Variants in CCDC178 observed in about 807,000 individuals in gnomAD.
CCDC178 encodes the protein coiled-coil domain-containing protein 178.
A neutral mutation model predicts 117.4 loss-of-function variants in CCDC178; 126 were observed. The ratio of observed to expected loss-of-function variants is 1.07; its 90% CI spans 0.93 to 1.24. The LOEUF (loss-of-function observed/expected upper bound fraction) is 1.24, where lower values mean the gene tolerates loss of function less well. CCDC178 is among the 50% of genes most tolerant of loss of function. The pLI is 0.00. For synonymous variants in CCDC178, 283 were observed against 313.4 expected, an observed-to-expected ratio of 0.90 and a Z score of 1.02; for missense variants, 1,030 against 986.9, an observed-to-expected ratio of 1.04 and a Z score of -0.59.
At chr18:33,396,824 G>A (rs562039404) in intron 4 of CCDC178, among the ~76,000 whole-genome samples, 9 of 152,186 alleles carry the variant, frequency 5.9e-5, no homozygotes, top group East Asian at 1.9e-4. Context: ...TGCCGGGAAC[G>A]TCTATGTGTG....
At chr18:33,106,757 C>T (rs538792853) in intron 20 of CCDC178, among the ~76,000 whole-genome samples, 2 of 151,716 alleles carry the variant, frequency 1.3e-5, no homozygotes, top group Non-Finnish European at 3.0e-5. Flanking sequence ...TAACTAATCT[C>T]GAGTTCTTAA....
chr18:33,252,949 A>C (rs963861515), intron 14 of CCDC178, among the ~76,000 whole-genome samples: 2 of 151,846 alleles, frequency 1.3e-5, no homozygotes, highest in Non-Finnish European at 2.9e-5. Context: ...AATTTCAAGC[A>C]AACTAAATCT....
At chr18:33,159,175 A>C (rs2058435572) in intron 20 of CCDC178, among the ~76,000 whole-genome samples, 1 of 152,250 alleles carries the variant, frequency 6.6e-6, no homozygotes, top group African/African-American at 2.4e-5. Context: ...AATTAACGGC[A>C]AAAGTGTAAA....
chr18:33,304,334 T>C (rs1599132830), intron 11 of CCDC178, among the ~76,000 whole-genome samples: 1 of 152,138 alleles, frequency 6.6e-6, no homozygotes, highest in Non-Finnish European at 1.5e-5. Context: ...CAAAGGTGGG[T>C]GGACTGAAAC....
At chr18:33,108,633 A>G (rs988411429) in intron 20 of CCDC178, among the ~76,000 whole-genome samples, 1 of 151,628 alleles carries the variant, frequency 6.6e-6, no homozygotes, top group African/African-American at 2.4e-5. Context: ...GTCTATTATT[A>G]TTAAATAAGT....
intron 12 of CCDC178, among the ~76,000 whole-genome samples, chr18:33,292,175 C>A (rs1568121541): frequency 6.6e-6 from 1 of 152,150 alleles, no homozygotes; most frequent in Non-Finnish European, 1.5e-5. Flanking sequence ...GATATGAAAT[C>A]AACCTGCTTC....
chr18:33,047,665 CT>C lies in CCDC178; in HGVS notation c.2388+45095del, dbSNP rs1311138825. On this transcript the variant is annotated intron_variant, in intron 21 of 22. Transcript: ENST00000383096. ...CATGTCCCTTTGTAAGTTCAAAAATCTTTCTACAGAGTTATACACTAAACAG... is the reference window on the plus strand; with the variant it reads ...CATGTCCCTTTGTAAGTTCAAAAATCTTCTACAGAGTTATACACTAAACAG... Among the ~76,000 whole-genome samples, 5 of 151,972 alleles carry C rather than the reference CT, an allele frequency of 3.3e-5. No individual in the cohort carries two copies. The East Asian group carries it at 9.9e-4, about 30-fold the overall frequency.
At chr18:32,938,952 T>C (rs1319364475) in intron 22 of CCDC178, among the ~76,000 whole-genome samples, 1 of 152,186 alleles carries the variant, frequency 6.6e-6, no homozygotes, top group Non-Finnish European at 1.5e-5. Context: ...TAAATGCATG[T>C]TATAACTGAG....
At chr18:33,086,395 T>C (rs567049049) in intron 21 of CCDC178, among the ~76,000 whole-genome samples, 3 of 148,892 alleles carry the variant, frequency 2.0e-5, no homozygotes, top group African/African-American at 5.1e-5. Context: ...CATATATACA[T>C]GTATGTATAT....
At chr18:33,296,652 T>G (rs1363634352) in intron 11 of CCDC178, among the ~76,000 whole-genome samples, 1 of 152,128 alleles carries the variant, frequency 6.6e-6, no homozygotes, top group Admixed American at 6.6e-5. Flanking sequence ...ATAAGACACA[T>G]AAAAAATCCC....
chr18:33,254,623 C>G (rs912486436), intron 14 of CCDC178, among the ~76,000 whole-genome samples: 1 of 151,774 alleles, frequency 6.6e-6, no homozygotes, highest in African/African-American at 2.4e-5. Flanking sequence ...AGATAAGTTA[C>G]CAATAGGACA....
intron 11 of CCDC178, among the ~76,000 whole-genome samples, chr18:33,294,135 A>G (rs1180351180): frequency 2.6e-5 from 4 of 152,212 alleles, no homozygotes; most frequent in Admixed American, 2.6e-4. Flanking sequence ...TGACCCTCCC[A>G]AGAGGACCAA....
chr18:32,994,830 C>A (rs1485578482), intron 21 of CCDC178, among the ~76,000 whole-genome samples: 1 of 152,046 alleles, frequency 6.6e-6, no homozygotes, highest in Non-Finnish European at 1.5e-5. Flanking sequence ...TCCATGTCTG[C>A]CACAGGTGTG....
At chr18:33,410,913 T>C (rs2063841830) in intron 3 of CCDC178, among the ~76,000 whole-genome samples, 1 of 152,106 alleles carries the variant, frequency 6.6e-6, no homozygotes, top group South Asian at 2.1e-4. Flanking sequence ...AGCCCCTTAA[T>C]AGTATGCTGG....
intron 11 of CCDC178, among the ~76,000 whole-genome samples, chr18:33,320,042 G>T (rs1242869001): frequency 1.3e-5 from 2 of 152,232 alleles, no homozygotes; most frequent in Admixed American, 1.3e-4. Context: ...AAATTCAACA[G>T]CCCTTCATGC....
intron 14 of CCDC178, among the ~76,000 whole-genome samples, chr18:33,252,386 ACTAAC>A (rs909583237): frequency 7.3e-5 from 11 of 151,474 alleles, no homozygotes; most frequent in Non-Finnish European, 1.5e-4. Context: ...AAATGGGCTA[ACTAAC>A]ATGTGGGTGA....
intron 20 of CCDC178, among the ~76,000 whole-genome samples, chr18:33,120,682 C>G (rs2057925084): frequency 6.6e-6 from 1 of 152,118 alleles, no homozygotes; most frequent in African/African-American, 2.4e-5. Flanking sequence ...TGATCAGCTA[C>G]AGAAATGAAG....
intron 20 of CCDC178, among the ~76,000 whole-genome samples, chr18:33,167,460 C>G (rs2058546617): frequency 6.6e-6 from 1 of 152,132 alleles, no homozygotes; most frequent in South Asian, 2.1e-4. Context: ...CCATTCTGAC[C>G]AGTATGAGAC....
chr18:33,290,078 A>ATC (rs1413180910), intron 12 of CCDC178, among the ~76,000 whole-genome samples: 1 of 152,186 alleles, frequency 6.6e-6, no homozygotes, highest in Non-Finnish European at 1.5e-5. Context: ...ATTTTAATTC[A>ATC]TCTCTTACAG....
Sources: gnomAD v4.1 joint callset for allele counts (sites outside exome capture counted in the v4.1 genomes callset) on GRCh38, gnomAD v4.1.1 for gene constraint, MANE v1.5 for transcripts, NCBI Gene and HGNC (gene_info 2026-07-23, HGNC 2026-07-21) for gene names.